ANTXR1: variants seen among roughly 807,000 people sequenced by gnomAD.
The protein encoded by ANTXR1 is ANTXR cell adhesion molecule 1, also known as anthrax toxin receptor 1.
ANTXR1 carries 19 observed loss-of-function variants against 78.1 expected under a neutral mutation model. That is an observed-to-expected ratio of 0.24 (90% CI 0.17 to 0.36). The LOEUF (loss-of-function observed/expected upper bound fraction) is 0.36, where lower values mean the gene tolerates loss of function less well. ANTXR1 is among the 10% of genes least tolerant of loss of function. The probability of loss-of-function intolerance (pLI) is 1.00; values close to 1 mark genes in which losing one functional copy is unlikely to be tolerated. For missense variants in ANTXR1, 518 were observed against 718.6 expected (o/e 0.72, Z 3.19); for synonymous variants, 273 against 260.5 (o/e 1.05, Z -0.46).
chr2:69,019,829 C>T (rs961390632), intron 1 of ANTXR1, among the ~76,000 whole-genome samples: 3 of 152,142 alleles, frequency 2.0e-5, no homozygotes, highest in Admixed American at 6.5e-5. Flanking sequence ...TGAGAACATG[C>T]GGTATTTGGT....
At chr2:69,105,267 C>G (rs1671768049) in intron 10 of ANTXR1, among the ~76,000 whole-genome samples, 1 of 152,154 alleles carries the variant, frequency 6.6e-6, no homozygotes, top group African/African-American at 2.4e-5. Context: ...GGCTTGTCAC[C>G]TCATTCATAT....
chr2:69,086,752 A>C (rs7591556), intron 8 of ANTXR1, among the ~76,000 whole-genome samples: 10,137 of 152,304 alleles, frequency 0.067, 339 homozygotes, highest in Middle Eastern at 0.13. Context: ...GTTTGAATAC[A>C]TGCCAGACAT....
At chr2:69,144,886 G>A (rs1434822393) in intron 12 of ANTXR1, among the ~76,000 whole-genome samples, 2 of 152,294 alleles carry the variant, frequency 1.3e-5, no homozygotes, top group East Asian at 3.9e-4. Flanking sequence ...TGACCATACT[G>A]TTGTTGTAGA....
intron 12 of ANTXR1, among the ~76,000 whole-genome samples, chr2:69,128,159 A>G (rs1311184474): frequency 6.6e-6 from 1 of 151,710 alleles, no homozygotes; most frequent in Non-Finnish European, 1.5e-5. Flanking sequence ...TGGGAGGCGG[A>G]GGTTGCAGTG....
intron 17 of ANTXR1, among the ~76,000 whole-genome samples, chr2:69,197,261 G>A (rs1674687130): frequency 6.6e-6 from 1 of 152,180 alleles, no homozygotes; most frequent in African/African-American, 2.4e-5. Flanking sequence ...AGCACATGGT[G>A]TCCCCTGCTC....
rs150926738 is a variant in ANTXR1, at chr2:69,166,312, C to T, written c.1048-3936C>T. ...ACGGATAAAGTCAGAATTAAAGTCA[C>T]TGGTAAGAGAGGAGAGGAGATGCAT... On this transcript the variant is annotated intron_variant, in intron 13 of 17. Coordinates refer to ENST00000303714, the MANE Select transcript of ANTXR1 (RefSeq NM_032208.3). 3.3e-3 allele frequency among the ~76,000 whole-genome samples: 507 copies of T among 152,310 alleles called. 2 individuals are homozygous for T. Among genetic ancestry groups the T allele is most frequent in the African/African-American group, 0.012 (490 of 41,554 alleles).
chr2:69,189,761 T>C (rs2104472071), intron 16 of ANTXR1, among the ~76,000 whole-genome samples: 1 of 152,302 alleles, frequency 6.6e-6, no homozygotes, highest in East Asian at 1.9e-4. Context: ...TGATTCCTGG[T>C]ACCCAGTGTG....
At chr2:69,060,824 G>C (rs1381898631) in intron 3 of ANTXR1, among the ~76,000 whole-genome samples, 1 of 152,086 alleles carries the variant, frequency 6.6e-6, no homozygotes, top group African/African-American at 2.4e-5. Context: ...TTTAAAATGA[G>C]ATTTTTAAAT....
intron 3 of ANTXR1, among the ~76,000 whole-genome samples, chr2:69,049,239 G>A (rs1669863634): frequency 1.3e-5 from 2 of 152,092 alleles, no homozygotes; most frequent in South Asian, 4.1e-4. Flanking sequence ...GCCAAAAAAA[G>A]AGCTTCAGAA....
At chr2:69,119,239 G>A (rs1672260094) in intron 10 of ANTXR1, among the ~76,000 whole-genome samples, 1 of 152,200 alleles carries the variant, frequency 6.6e-6, no homozygotes, top group Admixed American at 6.5e-5. Context: ...ATGCCAGCCT[G>A]GAGTCTCCCT....
At chr2:69,197,621 G>A (rs897383704) in intron 17 of ANTXR1, among the ~76,000 whole-genome samples, 2 of 152,096 alleles carry the variant, frequency 1.3e-5, no homozygotes, top group Non-Finnish European at 2.9e-5. Flanking sequence ...AATACAAAAA[G>A]TTGCTGGCCA....
In ANTXR1 at chr2:69,245,611, CA is replaced by C. The variant is rs1489759284; in HGVS notation, c.*128del. 1.5e-6 allele frequency: 2 copies of C among 1,362,248 alleles called. No individual in the cohort carries two copies. The highest frequency in any genetic ancestry group is 2.9e-5 in the African/African-American group (2 of 68,620). The allele number at this position is 1,362,248 out of a possible 1,614,324, so 84.4% of individuals were successfully genotyped here. A position where few individuals can be genotyped will look rare whatever the true frequency, so the allele number is the denominator to read the frequency against. The stretch of plus-strand genomic sequence containing the variant: ...TTCACACATTCTAAAAATTGGTTGG[CA>C]ATGCCAGTATACCAACAATCATGAT... On this transcript the variant is annotated 3_prime_UTR_variant, in exon 18 of 18. Coordinates refer to ENST00000303714, the MANE Select transcript of ANTXR1 (RefSeq NM_032208.3).
rs1159468291 is a variant in ANTXR1, at chr2:69,096,317, G to GAAATCAAA, written c.703+5400_703+5401insATCAAAAA. The stretch of plus-strand genomic sequence containing the variant: ...GGAAGGGAGGAAGGGAGGAAGGGAG[G>GAAATCAAA]AAGGGAGGAAGGGAGGAAGGGAGGA... On this transcript the variant is annotated intron_variant, in intron 9 of 17. Transcript: ENST00000303714. 7.5e-4 allele frequency among the ~76,000 whole-genome samples: 5 copies of GAAATCAAA among 6,632 alleles called. 2 individuals carry two copies. The highest frequency in any genetic ancestry group is 1.7e-3 in the African/African-American group (1 of 584). The allele number at this position is 6,632 out of a possible 152,430, so 4.4% of individuals were successfully genotyped here.
chr2:69,031,252 C>T (rs1290003879), intron 1 of ANTXR1, among the ~76,000 whole-genome samples: 4 of 152,162 alleles, frequency 2.6e-5, no homozygotes. Context: ...CCACCCAGGG[C>T]CTCTCATTTC....
intron 2 of ANTXR1, among the ~76,000 whole-genome samples, chr2:69,040,753 T>C (rs531497961): frequency 6.6e-6 from 1 of 152,302 alleles, no homozygotes; most frequent in Admixed American, 6.5e-5. Context: ...GTGTGCAGCC[T>C]CCAAGGGATA....
At chr2:69,191,399 T>C (rs1674540093) in intron 16 of ANTXR1, among the ~76,000 whole-genome samples, 1 of 152,222 alleles carries the variant, frequency 6.6e-6, no homozygotes, top group Non-Finnish European at 1.5e-5. Context: ...TGCCCCTATA[T>C]AAATGCTTTG....
intron 3 of ANTXR1, among the ~76,000 whole-genome samples, chr2:69,053,989 T>C (rs1355841910): frequency 6.6e-6 from 1 of 152,192 alleles, no homozygotes; most frequent in Non-Finnish European, 1.5e-5. Flanking sequence ...AATATGTGTA[T>C]GTACATATAT....
At chr2:69,165,647 T>C (rs145848119) in intron 13 of ANTXR1, among the ~76,000 whole-genome samples, 2 of 152,240 alleles carry the variant, frequency 1.3e-5, no homozygotes, top group Non-Finnish European at 1.5e-5. Context: ...AAGCAGCATG[T>C]GGGCCTGACT....
chr2:69,163,313 T>TA (rs74748062), intron 13 of ANTXR1, among the ~76,000 whole-genome samples: 31,237 of 149,266 alleles, frequency 0.21, 4,601 homozygotes, highest in East Asian at 0.48. Context: ...TCTTTTCATG[T>TA]AAAAAAAAAA....
Sources: allele counts gnomAD v4.1 joint callset (sites outside exome capture counted in the v4.1 genomes callset), GRCh38; gene constraint gnomAD v4.1.1; transcripts MANE v1.5; gene names NCBI Gene and HGNC (gene_info 2026-07-23, HGNC 2026-07-21).